Variants in DENND5B observed in about 807,000 individuals in gnomAD.
The protein encoded by DENND5B is DENN domain containing 5B, also known as DENN domain-containing protein 5B.
DENND5B carries 34 observed loss-of-function variants against 140.6 expected under a neutral mutation model. The observed-to-expected ratio is 0.24, with a 90% CI of 0.18 to 0.32. The LOEUF (loss-of-function observed/expected upper bound fraction) is 0.32, where lower values mean the gene tolerates loss of function less well. Ranked by LOEUF, DENND5B falls within the 10% of genes least tolerant of loss-of-function variation. The pLI, the probability that DENND5B is intolerant of heterozygous loss-of-function variation, is 1.00. For missense variants in DENND5B, 1,142 were observed against 1,560.2 expected, an observed-to-expected ratio of 0.73 and a Z score of 4.52; for synonymous variants, 551 against 562.1, an observed-to-expected ratio of 0.98 and a Z score of 0.28.
chr12:31,528,483 T>C (rs915863367), intron 1 of DENND5B, among the ~76,000 whole-genome samples: 1 of 152,210 alleles, frequency 6.6e-6, no homozygotes, highest in Non-Finnish European at 1.5e-5. Flanking sequence ...TATTACGACC[T>C]GACATTTAAT....
intron 8 of DENND5B, 146 bp from the exon 9 acceptor site, chr12:31,426,570 T>C: frequency 2.1e-6 from 2 of 936,092 alleles, no homozygotes; most frequent in Non-Finnish European, 3.1e-6. Context: ...TGTTTTAGTG[T>C]ACTAAAAGAC....
Position 31,444,496 on chromosome 12 carries a change from G to A in DENND5B, c.1862-1571C>T, listed in dbSNP as rs1202822823. Reference sequence around the variant, plus strand: ...TGACCCCAGATGATCTGCCCTCCTCGGCCTCCCAAAGTGCTGGGATTACAG... The same window carrying A: ...TGACCCCAGATGATCTGCCCTCCTCAGCCTCCCAAAGTGCTGGGATTACAG... On this transcript the variant is annotated intron_variant, in intron 6 of 20. Transcript: ENST00000389082. 3.9e-5 allele frequency among the ~76,000 whole-genome samples: 6 copies of A among 152,180 alleles called. No individual in the cohort carries two copies. The South Asian group carries it at 8.3e-4, about 21-fold the overall frequency.
intron 8 of DENND5B, among the ~76,000 whole-genome samples, chr12:31,430,294 A>AT (rs1263594383): frequency 6.8e-6 from 1 of 147,308 alleles, no homozygotes; most frequent in Non-Finnish European, 1.5e-5. Context: ...AAGTGCTGGG[A>AT]TTAAAGGTGT....
At chr12:31,420,123 T>C (rs1942952986) in intron 11 of DENND5B, 1 of 917,112 alleles carries the variant, frequency 1.1e-6, no homozygotes, top group Non-Finnish European at 1.3e-6. Flanking sequence ...TCAACGTTTT[T>C]ATTTATTATT....
At chr12:31,428,274 G>A (rs1350414640) in intron 8 of DENND5B, among the ~76,000 whole-genome samples, 1 of 151,148 alleles carries the variant, frequency 6.6e-6, no homozygotes, top group Admixed American at 6.6e-5. Flanking sequence ...CCTGGGAGGC[G>A]GACGTTGCAA....
chr12:31,514,261 T>C (rs756673848), intron 1 of DENND5B, among the ~76,000 whole-genome samples: 1 of 152,252 alleles, frequency 6.6e-6, no homozygotes, highest in Non-Finnish European at 1.5e-5. Context: ...ACAGGCTGTA[T>C]CATATAGTCA....
intron 1 of DENND5B, among the ~76,000 whole-genome samples, chr12:31,587,590 C>CAGGCTGG (rs1043359408): frequency 5.2e-5 from 6 of 115,914 alleles, no homozygotes; most frequent in Non-Finnish European, 9.7e-5. Context: ...CTCTGTTGCC[C>CAGGCTGG]AGGCTGGAGT....
chr12:31,517,333 T>C (rs896749271), intron 1 of DENND5B, among the ~76,000 whole-genome samples: 13 of 152,236 alleles, frequency 8.5e-5, no homozygotes, highest in Admixed American at 5.9e-4. Flanking sequence ...ATGTCCTCTA[T>C]CCTGCGCTTA....
intron 7 of DENND5B, among the ~76,000 whole-genome samples, chr12:31,442,094 A>G (rs374333641): frequency 5.3e-5 from 8 of 152,372 alleles, no homozygotes; most frequent in African/African-American, 1.9e-4. Flanking sequence ...AAGAGGGAAG[A>G]TAGAGCCTAA....
At chr12:31,559,086 G>GA (rs1025841710) in intron 1 of DENND5B, among the ~76,000 whole-genome samples, 1 of 152,152 alleles carries the variant, frequency 6.6e-6, no homozygotes, top group African/African-American at 2.4e-5. Flanking sequence ...AACCCCAGAT[G>GA]AAAAATGAAA....
intron 16 of DENND5B, among the ~76,000 whole-genome samples, chr12:31,398,685 G>A (rs1941618741): frequency 6.6e-6 from 1 of 152,178 alleles, no homozygotes; most frequent in African/African-American, 2.4e-5. Context: ...AGTGTTGGCT[G>A]TGACTAGTGG....
At chr12:31,408,458 C>T (rs1170389842) in intron 14 of DENND5B, among the ~76,000 whole-genome samples, 1 of 151,802 alleles carries the variant, frequency 6.6e-6, no homozygotes, top group Non-Finnish European at 1.5e-5. Flanking sequence ...GAAACCCCAT[C>T]TCTACTAAAA....
At chr12:31,405,885 G>A (rs1942104674) in intron 14 of DENND5B, among the ~76,000 whole-genome samples, 1 of 147,592 alleles carries the variant, frequency 6.8e-6, no homozygotes, top group African/African-American at 2.5e-5. Flanking sequence ...TTGTTCTGAT[G>A]CCCAGGCTCG....
intron 1 of DENND5B, among the ~76,000 whole-genome samples, chr12:31,513,278 T>A (rs1029433723): frequency 6.6e-6 from 1 of 152,206 alleles, no homozygotes; most frequent in Non-Finnish European, 1.5e-5. Flanking sequence ...ATCACTTGGC[T>A]AAGATAGTGT....
intron 1 of DENND5B, among the ~76,000 whole-genome samples, chr12:31,503,455 G>A (rs1188526004): frequency 6.6e-6 from 1 of 152,192 alleles, no homozygotes; most frequent in African/African-American, 2.4e-5. Context: ...AGCTACTCAG[G>A]AGGCTGAGGT....
chr12:31,492,423 C>T (rs1311241978), intron 2 of DENND5B, among the ~76,000 whole-genome samples: 1 of 152,110 alleles, frequency 6.6e-6, no homozygotes, highest in Non-Finnish European at 1.5e-5. Flanking sequence ...CGTACTTGTA[C>T]CCAGGCCCCA....
intron 1 of DENND5B, among the ~76,000 whole-genome samples, chr12:31,561,610 A>G (rs1488641296): frequency 6.6e-6 from 1 of 152,246 alleles, no homozygotes; most frequent in Non-Finnish European, 1.5e-5. Context: ...TAACCACCTC[A>G]ATTTATAGTA....
intron 7 of DENND5B, among the ~76,000 whole-genome samples, chr12:31,435,803 G>A (rs903602617): frequency 1.3e-5 from 2 of 152,026 alleles, no homozygotes; most frequent in Non-Finnish European, 2.9e-5. Context: ...TGGGATCACA[G>A]GTGCACACCA....
chr12:31,555,020 A>G (rs1483781341), intron 1 of DENND5B, among the ~76,000 whole-genome samples: 1 of 152,118 alleles, frequency 6.6e-6, no homozygotes, highest in African/African-American at 2.4e-5. Context: ...CCTGTAGCTC[A>G]GAGTAGTTTG....
Sources: allele counts gnomAD v4.1 joint callset (sites outside exome capture counted in the v4.1 genomes callset), GRCh38; gene constraint gnomAD v4.1.1; transcripts MANE v1.5; gene names NCBI Gene and HGNC (gene_info 2026-07-23, HGNC 2026-07-21).